The following GBF1 variants were observed in gnomAD, a reference collection of about 807,000 sequenced individuals.
GBF1 encodes the protein golgi brefeldin A resistant guanine nucleotide exchange factor 1.
In GBF1, 114 loss-of-function variants were observed where a neutral mutation model predicts 210.5. That is an observed-to-expected ratio of 0.54 (90% CI 0.47 to 0.63). GBF1 has a LOEUF of 0.63. GBF1 is among the 30% of genes least tolerant of loss of function. The pLI is 0.00. For synonymous variants in GBF1, 850 were observed against 889.2 expected, an observed-to-expected ratio of 0.96 and a Z score of 0.78; for missense variants, 1,851 against 2,357.7, an observed-to-expected ratio of 0.79 and a Z score of 4.45.
chr10:102,294,171 T>A (rs535599140), intron 3 of GBF1, among the ~76,000 whole-genome samples: 2 of 152,128 alleles, frequency 1.3e-5, no homozygotes, highest in Admixed American at 6.5e-5. Context: ...TAAGCTAAGG[T>A]TAATTAATGA....
chr10:102,238,470 C>A, the GBF1 span, among the ~76,000 whole-genome samples: 2 of 152,154 alleles, frequency 1.3e-5, no homozygotes, highest in Non-Finnish European at 2.9e-5. Flanking sequence ...TCTCAGACAG[C>A]GGCAGGGGTA....
Position 102,360,381 on chromosome 10 carries a change from C to A in GBF1, c.1378C>A (p.Arg460Ser). The stretch of plus-strand genomic sequence containing the variant: ...GGGCCTCATCAAGGATGAGATGTGC[C>A]GTCACTTATTCCAGGTAAGACAAGA... ...LLGLIKDEMC[R>S]HLFQLLSIER... Residue 460 changes from arginine (R) to serine (S), a missense_variant, in exon 12 of 40, where the codon CGT becomes AGT. By Grantham distance (110) the Arg-to-Ser change is moderately radical. Around this residue, in one of 3 missense-constraint regions of GBF1, gnomAD observed 804 missense variants for 958.6 expected, o/e 0.84. Transcript: ENST00000369983. The A allele has an allele frequency of 6.2e-7, 1 of 1,607,948 alleles. No individual in the cohort carries two copies. Among genetic ancestry groups the A allele is most frequent in the African/African-American group, 1.3e-5 (1 of 74,910 alleles).
chr10:102,293,947 AT>A (rs896238227), intron 3 of GBF1, among the ~76,000 whole-genome samples: 7 of 150,928 alleles, frequency 4.6e-5, no homozygotes, highest in Non-Finnish European at 8.9e-5. Flanking sequence ...CCAGCTAATT[AT>A]TTGTATTTTT....
intron 3 of GBF1, among the ~76,000 whole-genome samples, chr10:102,272,526 G>A (rs527468787): frequency 6.6e-6 from 1 of 152,184 alleles, no homozygotes; most frequent in East Asian, 1.9e-4. Context: ...TAATATTTTT[G>A]CACCTTGTAA....
At chr10:102,370,361 T>A (rs1193636303) in intron 27 of GBF1, 23 bp from the exon 28 acceptor site, 1 of 1,568,736 alleles carries the variant, frequency 6.4e-7, no homozygotes, top group East Asian at 2.2e-5. Context: ...CATGCCTACT[T>A]TCCTGCTGCT....
upstream of GBF1, among the ~76,000 whole-genome samples, chr10:102,244,411 AAACCC>A (rs2070654112): frequency 6.6e-6 from 1 of 152,214 alleles, no homozygotes; most frequent in Admixed American, 6.5e-5. Flanking sequence ...TCCTAGGAGA[AAACCC>A]ATCCTCTTGT....
intron 3 of GBF1, among the ~76,000 whole-genome samples, chr10:102,276,342 C>T (rs1037962472): frequency 2.1e-4 from 32 of 151,510 alleles, no homozygotes; most frequent in African/African-American, 7.3e-4. Flanking sequence ...CTGGCTAACA[C>T]GGTGAAACCC....
intron 17 of GBF1, 54 bp from the exon 18 acceptor site, chr10:102,365,343 C>T: frequency 7.0e-7 from 1 of 1,421,944 alleles, no homozygotes; most frequent in Non-Finnish European, 9.9e-7. Flanking sequence ...CCAGGCTGGC[C>T]TTGTCTAATT....
intron 3 of GBF1, among the ~76,000 whole-genome samples, chr10:102,292,637 G>A (rs2076539680): frequency 6.6e-6 from 1 of 152,096 alleles, no homozygotes; most frequent in African/African-American, 2.4e-5. Context: ...TAAAGTGCTG[G>A]GATTGCAGGC....
intron 3 of GBF1, among the ~76,000 whole-genome samples, chr10:102,333,278 A>G (rs901920330): frequency 6.6e-6 from 1 of 152,202 alleles, no homozygotes; most frequent in African/African-American, 2.4e-5. Flanking sequence ...AAATACAGGT[A>G]TGGGACCTGT....
the GBF1 span, among the ~76,000 whole-genome samples, chr10:102,237,762 T>C: frequency 6.6e-6 from 1 of 152,260 alleles, no homozygotes; most frequent in South Asian, 2.1e-4. Flanking sequence ...TATTTTAATA[T>C]AAAAATAAAG....
chr10:102,268,778 A>C (rs1330402564), intron 3 of GBF1, among the ~76,000 whole-genome samples: 1 of 152,212 alleles, frequency 6.6e-6, no homozygotes, highest in Non-Finnish European at 1.5e-5. Context: ...ATGTTCATAG[A>C]TACTTAGTTG....
At chr10:102,295,968 G>A (rs1008612938) in intron 3 of GBF1, among the ~76,000 whole-genome samples, 4 of 151,840 alleles carry the variant, frequency 2.6e-5, no homozygotes, top group South Asian at 2.1e-4. Context: ...CTTAAGTAGC[G>A]GACAATAACA....
chr10:102,274,547 C>T (rs1278762215), intron 3 of GBF1, among the ~76,000 whole-genome samples: 6 of 151,912 alleles, frequency 3.9e-5, no homozygotes, highest in Admixed American at 2.6e-4. Flanking sequence ...ACATCACAGA[C>T]GGACCACAAC....
upstream of GBF1, among the ~76,000 whole-genome samples, chr10:102,242,148 C>T (rs982557059): frequency 2.0e-5 from 3 of 152,144 alleles, no homozygotes; most frequent in African/African-American, 7.2e-5. Flanking sequence ...CATATCTTTC[C>T]TCTTCTTCAT....
At chr10:102,303,570 G>C (rs531850123) in intron 3 of GBF1, among the ~76,000 whole-genome samples, 2 of 152,268 alleles carry the variant, frequency 1.3e-5, no homozygotes, top group African/African-American at 4.8e-5. Flanking sequence ...GTTTCCATAT[G>C]AATACTGCTA....
In GBF1 at chr10:102,370,430, A is replaced by T; in HGVS notation, c.3458A>T (p.Asp1153Val). 6.2e-7 allele frequency: 1 copy of T among 1,613,664 alleles called. No homozygotes were observed. Among genetic ancestry groups the T allele is most frequent in the Non-Finnish European group, 8.5e-7 (1 of 1,179,518 alleles). The change falls in exon 28 of 40, where the codon GAT becomes GTT. Residue 1153 changes from aspartate (D) to valine (V), a missense_variant. Physicochemically the swap from Asp to Val is radical, Grantham distance 152. Coordinates refer to ENST00000369983, the MANE Select transcript of GBF1 (RefSeq NM_001377137.1). The stretch of plus-strand genomic sequence containing the variant: ...GATGAAGAGACATATGATGAGGAAG[A>T]TGCTGCTTTCTGCCTAGAGATGCTG... ...TPDEETYDEE[D>V]AAFCLEMLLR... is the part of the protein sequence containing the mutation.
At chr10:102,305,825 A>G (rs2077811047) in intron 3 of GBF1, among the ~76,000 whole-genome samples, 1 of 152,240 alleles carries the variant, frequency 6.6e-6, no homozygotes, top group South Asian at 2.1e-4. Flanking sequence ...TGTATGCCAG[A>G]CACTTGTGGG....
rs2060907591 is a variant in GBF1, at chr10:102,382,307, G to A, written c.5554G>A (p.Asp1852Asn). Residue 1852 changes from aspartate (D) to asparagine (N), a missense_variant, in exon 40 of 40, where the codon GAT becomes AAT. Physicochemically the swap from Asp to Asn is conservative, Grantham distance 23 (BLOSUM62 1). Around this residue, in one of 3 missense-constraint regions of GBF1, gnomAD observed 967 missense variants for 1,247.7 expected, o/e 0.78. Coordinates refer to ENST00000369983, the MANE Select transcript of GBF1 (RefSeq NM_001377137.1). Reference protein sequence around the residue: ...VPLLATPRPTDPIPTSEVN With the variant: ...VPLLATPRPTNPIPTSEVN The stretch of plus-strand genomic sequence containing the variant: ...CCTCCTGGCCACACCCCGCCCCACA[G>A]ATCCCATACCCACCTCTGAGGTCAA... 1.2e-6 allele frequency: 2 copies of A among 1,612,454 alleles called. No homozygotes were observed. Among genetic ancestry groups the A allele is most frequent in the South Asian group, 2.2e-5 (2 of 90,844 alleles).
Sources: allele counts gnomAD v4.1 joint callset (sites outside exome capture counted in the v4.1 genomes callset), GRCh38; gene constraint gnomAD v4.1.1; regional missense constraint gnomAD v4.1.1; transcripts MANE v1.5; gene names NCBI Gene and HGNC (gene_info 2026-07-23, HGNC 2026-07-21).